The following MYPN variants were observed in gnomAD, a reference collection of about 807,000 sequenced individuals.
The protein encoded by MYPN is myopalladin.
In MYPN, 63 loss-of-function variants were observed where a neutral mutation model predicts 129.4. That is an observed-to-expected ratio of 0.49 (90% CI 0.40 to 0.60). MYPN has a LOEUF of 0.60. Ranked by LOEUF, MYPN falls within the 20% of genes least tolerant of loss-of-function variation. The pLI is 0.00. For synonymous variants in MYPN, 629 were observed against 600.9 expected, an observed-to-expected ratio of 1.05 and a Z score of -0.68; for missense variants, 1,596 against 1,635.4, an observed-to-expected ratio of 0.98 and a Z score of 0.42.
At chr10:68,199,665 T>C in intron 17 of MYPN, 90 bp downstream of exon 17, 1 of 1,308,416 alleles carries the variant, frequency 7.6e-7, no homozygotes, top group Non-Finnish European at 1.1e-6. Context: ...CCTTCATCCT[T>C]TGCCCTACTA....
At chr10:68,152,630 ATTTG>A (rs1217151153) in intron 6 of MYPN, among the ~76,000 whole-genome samples, 1 of 152,022 alleles carries the variant, frequency 6.6e-6, no homozygotes, top group African/African-American at 2.4e-5. Flanking sequence ...ACATTTATTT[ATTTG>A]TTTGCTTGTT....
At chr10:68,176,435 T>C (rs933141410) in intron 12 of MYPN, among the ~76,000 whole-genome samples, 8 of 152,216 alleles carry the variant, frequency 5.3e-5, no homozygotes, top group Non-Finnish European at 7.3e-5. Context: ...CAGTACAGTA[T>C]GCCAAATATT....
At chr10:68,140,311 T>C (rs1053722326) in intron 2 of MYPN, among the ~76,000 whole-genome samples, 8 of 151,930 alleles carry the variant, frequency 5.3e-5, no homozygotes, top group African/African-American at 1.9e-4. Flanking sequence ...AACTATAGGA[T>C]GAGATAAGAT....
upstream of MYPN, among the ~76,000 whole-genome samples, chr10:68,102,465 T>C (rs2041986405): frequency 6.6e-6 from 1 of 152,166 alleles, no homozygotes; most frequent in Admixed American, 6.6e-5. Context: ...CCAAAATGTT[T>C]TCTCACAAAA....
At chr10:68,133,427 C>T (rs1328292890) in intron 2 of MYPN, among the ~76,000 whole-genome samples, 2 of 151,978 alleles carry the variant, frequency 1.3e-5, no homozygotes, top group Admixed American at 6.6e-5. Context: ...TGGGAAGTCC[C>T]CTTTAAGATA....
chr10:68,106,424 C>A, upstream of MYPN: 1 of 423,586 alleles, frequency 2.4e-6, no homozygotes, highest in East Asian at 5.2e-5. Context: ...CTTTTATAAT[C>A]CACCACCCAT....
At position 68,109,723 on chromosome 10, in the gene MYPN, G is replaced by A. The variant is rs2042055420; in HGVS notation, c.-2G>A. 2.2e-6 allele frequency: 1 copy of A among 453,184 alleles called. No individual in the cohort carries two copies. Among genetic ancestry groups the A allele is most frequent in the Non-Finnish European group, 4.4e-6 (1 of 226,344 alleles). 28.1% of individuals were successfully genotyped at this position (453,184 alleles called of 1,614,324 possible). On this transcript the variant is annotated splice_region_variant and 5_prime_UTR_variant, in exon 1 of 20. Transcript: ENST00000358913. ...CATCTGGGTCAACTAAAAAAAGAAA[G>A]GTAATATCCAGATTTAAGTTCACAA...
At chr10:68,122,521 T>C (rs556019106) in intron 2 of MYPN, among the ~76,000 whole-genome samples, 181 bp downstream of exon 2, 3 of 152,368 alleles carry the variant, frequency 2.0e-5, no homozygotes, top group African/African-American at 7.2e-5. Flanking sequence ...GTAGTTTTAA[T>C]TTCTCTAGTA....
chr10:68,160,644 G>C (rs906983360), intron 7 of MYPN, among the ~76,000 whole-genome samples: 1 of 152,134 alleles, frequency 6.6e-6, no homozygotes, highest in African/African-American at 2.4e-5. Flanking sequence ...GGCTGGGCAT[G>C]GTGGCTCATG....
rs570899551 is a variant in MYPN, at chr10:68,156,359, C to T, written c.1318-2127C>T. ...GTGGAGGACATACTCACCAGTTTGCCGGGAGCACCCAAAATTCACTGATGC... is the reference window on the plus strand; with the variant it reads ...GTGGAGGACATACTCACCAGTTTGCTGGGAGCACCCAAAATTCACTGATGC... On this transcript the variant is annotated intron_variant, in intron 6 of 19. Coordinates refer to ENST00000358913, the MANE Select transcript of MYPN (RefSeq NM_032578.4). Among the ~76,000 whole-genome samples the T allele has an allele frequency of 7.2e-5, 11 of 152,234 alleles. No individual in the cohort carries two copies. In the South Asian group the frequency reaches 8.3e-4, roughly 11 times the overall value.
At chr10:68,196,267 A>G (rs1416764988) in intron 15 of MYPN, among the ~76,000 whole-genome samples, 2 of 152,160 alleles carry the variant, frequency 1.3e-5, no homozygotes. Context: ...GTTGTCTCCA[A>G]TACAACAACT....
chr10:68,211,191 T>C lies in MYPN; in HGVS notation c.*736T>C, dbSNP rs1327265843. The C allele has an allele frequency of 2.2e-6, 1 of 454,132 alleles. No individual in the cohort carries two copies. The highest frequency in any genetic ancestry group is 6.9e-5 in the East Asian group (1 of 14,396). 28.1% of individuals were successfully genotyped at this position (454,132 alleles called of 1,614,324 possible). A position where few individuals can be genotyped will look rare whatever the true frequency, so the allele number is the denominator to read the frequency against. The stretch of plus-strand genomic sequence containing the variant: ...GTGACTGTTTTTTTCTGACTTTGCA[T>C]ATCCCTAGACACTAGAACTAAAGGA... On this transcript the variant is annotated 3_prime_UTR_variant, in exon 20 of 20. Coordinates refer to ENST00000358913, the MANE Select transcript of MYPN (RefSeq NM_032578.4).
intron 12 of MYPN, among the ~76,000 whole-genome samples, chr10:68,184,794 G>A (rs144044417): frequency 1.3e-5 from 2 of 152,190 alleles, no homozygotes; most frequent in East Asian, 1.9e-4. Flanking sequence ...TCTGACTTTC[G>A]GTGCCTGTGC....
At chr10:68,090,420 C>T (rs573228483) in intron 1 of MYPN, among the ~76,000 whole-genome samples, 1 of 152,276 alleles carries the variant, frequency 6.6e-6, no homozygotes, top group South Asian at 2.1e-4. Context: ...CCGCCTCGGC[C>T]TCCCAAAGTG....
intron 10 of MYPN, among the ~76,000 whole-genome samples, chr10:68,170,748 G>A (rs1276295831): frequency 6.6e-6 from 1 of 152,164 alleles, no homozygotes; most frequent in Non-Finnish European, 1.5e-5. Flanking sequence ...AGAATAAAAT[G>A]TGGAGCTTTT....
At chr10:68,136,943 C>T (rs1156990539) in intron 2 of MYPN, among the ~76,000 whole-genome samples, 1 of 152,012 alleles carries the variant, frequency 6.6e-6, no homozygotes, top group Non-Finnish European at 1.5e-5. Context: ...AAATAACATG[C>T]CAGTGGTTCA....
rs116742076 is a variant in MYPN, at chr10:68,168,793, C to T, written c.1973+2127C>T. ...TTGTCATGTGATGCCATGCCAGAGT[C>T]GGGATGAAAAGAAAACCACCATACA... On this transcript the variant is annotated intron_variant, in intron 10 of 19. Coordinates refer to ENST00000358913, the MANE Select transcript of MYPN (RefSeq NM_032578.4). Among the ~76,000 whole-genome samples the T allele has an allele frequency of 4.1e-3, 629 of 151,752 alleles. 7 individuals carry two copies. Among genetic ancestry groups the T allele is most frequent in the African/African-American group, 0.015 (601 of 41,370 alleles).
intron 6 of MYPN, among the ~76,000 whole-genome samples, chr10:68,151,307 T>C (rs959805616): frequency 3.9e-5 from 6 of 152,240 alleles, no homozygotes; most frequent in Non-Finnish European, 8.8e-5. Context: ...CGAACAACCA[T>C]GTTTACCAAT....
intron 2 of MYPN, among the ~76,000 whole-genome samples, chr10:68,131,112 G>T (rs1193763011): frequency 6.6e-6 from 1 of 152,096 alleles, no homozygotes; most frequent in African/African-American, 2.4e-5. Context: ...ATCTAGGCCG[G>T]GTGTGGGGGC....
Sources: allele counts gnomAD v4.1 joint callset (sites outside exome capture counted in the v4.1 genomes callset), GRCh38; gene constraint gnomAD v4.1.1; transcripts MANE v1.5; gene names NCBI Gene and HGNC (gene_info 2026-07-23, HGNC 2026-07-21).